HHAT: variants seen among roughly 807,000 people sequenced by gnomAD.
The protein encoded by HHAT is protein-cysteine N-palmitoyltransferase HHAT.
HHAT carries 47 observed loss-of-function variants against 70.8 expected under a neutral mutation model. That is an observed-to-expected ratio of 0.66 (90% CI 0.53 to 0.85). HHAT has a LOEUF of 0.85. HHAT is among the 40% of genes least tolerant of loss of function. The probability of loss-of-function intolerance (pLI) is 0.00; values close to 1 mark genes in which losing one functional copy is unlikely to be tolerated. For synonymous variants in HHAT, 228 were observed against 247.6 expected, an observed-to-expected ratio of 0.92 and a Z score of 0.74; for missense variants, 609 against 604.8, an observed-to-expected ratio of 1.01 and a Z score of -0.07.
chr1:210,544,375 T>G (rs1270560483), intron 9 of HHAT, among the ~76,000 whole-genome samples: 2 of 137,210 alleles, frequency 1.5e-5, no homozygotes, highest in Non-Finnish European at 3.0e-5. Flanking sequence ...TCGTTTTTTT[T>G]TTTTTTTTTT....
intron 11 of HHAT, among the ~76,000 whole-genome samples, chr1:210,650,039 C>T (rs1388010416): frequency 6.6e-6 from 1 of 152,160 alleles, no homozygotes; most frequent in Admixed American, 6.5e-5. Context: ...CCCCTGCCTC[C>T]CCAGTAGAAA....
At chr1:210,607,321 T>C (rs1025781995) in intron 10 of HHAT, among the ~76,000 whole-genome samples, 9 of 152,214 alleles carry the variant, frequency 5.9e-5, no homozygotes, top group Non-Finnish European at 1.2e-4. Flanking sequence ...GTGTATCCTT[T>C]TCAAATGTTT....
At chr1:210,551,807 C>T (rs189905273) in intron 9 of HHAT, among the ~76,000 whole-genome samples, 245 of 152,280 alleles carry the variant, frequency 1.6e-3, no homozygotes, top group African/African-American at 5.8e-3. Flanking sequence ...GACGTGCAAG[C>T]CTTGCAGAGA....
At chr1:210,378,355 A>G (rs921592280) in intron 3 of HHAT, among the ~76,000 whole-genome samples, 3 of 152,224 alleles carry the variant, frequency 2.0e-5, no homozygotes, top group Non-Finnish European at 2.9e-5. Flanking sequence ...AAATAATGCT[A>G]TTTAGGAAAT....
At chr1:210,621,763 C>T (rs187052192) in intron 10 of HHAT, among the ~76,000 whole-genome samples, 1 of 152,286 alleles carries the variant, frequency 6.6e-6, no homozygotes, top group African/African-American at 2.4e-5. Flanking sequence ...GGTAATCTTG[C>T]CTGGTGGCCT....
Position 210,544,954 on chromosome 1 carries a change from A to G in HHAT, c.1043+31766A>G, listed in dbSNP as rs531773013. On this transcript the variant is annotated intron_variant, in intron 9 of 11. Transcript: ENST00000261458. ...ATACCTATGTCTCCCAAATGTTCCC[A>G]CTGTCTCTAAATATCCATGGCTACT... is the stretch of plus-strand genomic sequence containing the variant. 1.3e-4 allele frequency among the ~76,000 whole-genome samples: 20 copies of G among 152,038 alleles called. No individual in the cohort carries two copies. The Middle Eastern group carries it at 0.01, about 78-fold the overall frequency.
chr1:210,532,996 G>A (rs2095330761), intron 9 of HHAT, among the ~76,000 whole-genome samples: 1 of 152,090 alleles, frequency 6.6e-6, no homozygotes, highest in Non-Finnish European at 1.5e-5. Context: ...TTCCATGTAG[G>A]TTTTCTGGAA....
chr1:210,402,473 C>A (rs1005608464), intron 5 of HHAT, among the ~76,000 whole-genome samples: 1 of 152,192 alleles, frequency 6.6e-6, no homozygotes, highest in South Asian at 2.1e-4. Context: ...TTCTCATCAT[C>A]CCTGTCCACC....
intron 2 of HHAT, among the ~76,000 whole-genome samples, chr1:210,356,991 G>C (rs540970581): frequency 5.9e-5 from 9 of 152,250 alleles, no homozygotes; most frequent in Non-Finnish European, 1.2e-4. Flanking sequence ...CTGGGAACTG[G>C]ACAGCCTGTC....
intron 10 of HHAT, among the ~76,000 whole-genome samples, chr1:210,591,438 ATTTGTCTTTT>A (rs1193089123): frequency 2.4e-4 from 36 of 151,978 alleles, no homozygotes; most frequent in Admixed American, 2.1e-3. Flanking sequence ...CATTGTCTTT[ATTTGTCTTTT>A]GATGGACACT....
intron 6 of HHAT, among the ~76,000 whole-genome samples, chr1:210,410,972 G>A (rs999995330): frequency 6.6e-6 from 1 of 152,184 alleles, no homozygotes; most frequent in African/African-American, 2.4e-5. Flanking sequence ...GGAAGTTTTA[G>A]CTTGTGAAAA....
At chr1:210,384,827 G>A (rs556908617) in intron 3 of HHAT, among the ~76,000 whole-genome samples, 38 of 152,272 alleles carry the variant, frequency 2.5e-4, no homozygotes, top group African/African-American at 8.9e-4. Flanking sequence ...AGTCTATAAA[G>A]CTTTTGCTTC....
intron 9 of HHAT, among the ~76,000 whole-genome samples, chr1:210,549,598 C>T (rs540559747): frequency 6.7e-6 from 1 of 149,012 alleles, no homozygotes; most frequent in Non-Finnish European, 1.5e-5. Flanking sequence ...TTAGGTTCAC[C>T]ATTTACTTGG....
intron 8 of HHAT, among the ~76,000 whole-genome samples, chr1:210,489,004 T>C (rs971996771): frequency 1.3e-5 from 2 of 152,118 alleles, no homozygotes; most frequent in Non-Finnish European, 2.9e-5. Context: ...CTTTCCATAC[T>C]AAAAAGTGGA....
At chr1:210,399,495 G>A (rs1238466665) in intron 4 of HHAT, among the ~76,000 whole-genome samples, 4 of 152,012 alleles carry the variant, frequency 2.6e-5, no homozygotes, top group African/African-American at 9.7e-5. Context: ...CTCAGGTGAT[G>A]CACCTGCCTC....
chr1:210,623,631 G>A lies in HHAT; in HGVS notation c.1351G>A (p.Glu451Lys), dbSNP rs1669298529. ...CAACCTGGTATTTCTTGGGGGCAAT[G>A]AGGTTGGGAAAACCTACTGGAATAG... ...LSNLVFLGGN[E>K]VGKTYWNRIF... Residue 451 changes from glutamate (E) to lysine (K), a missense_variant, in exon 11 of 12, where the codon GAG (glutamate) becomes AAG (lysine). Physicochemically the swap from Glu to Lys is moderately conservative, Grantham distance 56. Coordinates refer to ENST00000261458, the MANE Select transcript of HHAT (RefSeq NM_018194.6). 1.9e-6 allele frequency: 3 copies of A among 1,613,938 alleles called. No individual in the cohort carries two copies. The highest frequency in any genetic ancestry group is 1.3e-5 in the African/African-American group (1 of 74,922).
chr1:210,618,339 T>G (rs1668166835), intron 10 of HHAT, among the ~76,000 whole-genome samples: 1 of 152,162 alleles, frequency 6.6e-6, no homozygotes, highest in Admixed American at 6.5e-5. Flanking sequence ...CCTCATTTGC[T>G]CTCTCTGGTG....
At chr1:210,460,693 T>C (rs144455103) in intron 7 of HHAT, among the ~76,000 whole-genome samples, 129 of 152,284 alleles carry the variant, frequency 8.5e-4, no homozygotes, top group Admixed American at 6.2e-3. Context: ...GATGAGACCA[T>C]ATTTGAGCTG....
intron 1 of HHAT, chr1:210,329,305 G>C (rs1465087646): frequency 1.1e-5 from 14 of 1,223,670 alleles, no homozygotes; most frequent in Non-Finnish European, 1.4e-5. Context: ...CGCGCAGTGC[G>C]CCCGGGCAAA....
Sources: gnomAD v4.1 joint callset for allele counts (sites outside exome capture counted in the v4.1 genomes callset) on GRCh38, gnomAD v4.1.1 for gene constraint, MANE v1.5 for transcripts, NCBI Gene and HGNC (gene_info 2026-07-23, HGNC 2026-07-21) for gene names.